The following DACH2 variants were observed in gnomAD, a reference collection of about 807,000 sequenced individuals.
The protein encoded by DACH2 is dachshund family transcription factor 2.
Under a neutral mutation model 35.8 loss-of-function variants are expected in DACH2, and 17 were observed. The ratio of observed to expected loss-of-function variants is 0.48; its 90% CI spans 0.33 to 0.71. DACH2 has a LOEUF of 0.71. DACH2 is among the 30% of genes least tolerant of loss of function. The probability of loss-of-function intolerance (pLI) is 0.02; values close to 1 mark genes in which losing one functional copy is unlikely to be tolerated. For synonymous variants in DACH2, 195 were observed against 177.3 expected (o/e 1.10, Z -0.79); for missense variants, 469 against 472.7 (o/e 0.99, Z 0.07).
chrX:86,820,019 A>G (rs1177612777), intron 11 of DACH2, among the ~76,000 whole-genome samples: 2 of 111,897 alleles, frequency 1.8e-5, no homozygotes, highest in Non-Finnish European at 3.8e-5. Flanking sequence ...TAGGTAAAAC[A>G]AAAACAGAAT....
chrX:86,647,679 T>C (rs768926149), intron 3 of DACH2, among the ~76,000 whole-genome samples: 2 of 110,725 alleles, frequency 1.8e-5, no homozygotes, highest in Admixed American at 9.7e-5. Context: ...TTATGTTACA[T>C]GTTTTTATCA....
At chrX:86,265,136 A>T (rs1362743141) in intron 1 of DACH2, among the ~76,000 whole-genome samples, 2 of 111,819 alleles carry the variant, frequency 1.8e-5, no homozygotes, top group Non-Finnish European at 3.8e-5. Flanking sequence ...TGGATATGGC[A>T]GTTCCTTGTA....
In DACH2 at chrX:86,385,502, A is replaced by G. The variant is rs769127119; in HGVS notation, c.527+8640A>G. ...AAAGATTCAGTATACAACAATTTAC[A>G]TAGCATCTACATTGTATTAGGTATT... On this transcript the variant is annotated intron_variant, in intron 2 of 11. Coordinates refer to ENST00000373125, the MANE Select transcript of DACH2 (RefSeq NM_053281.3). 3.3e-3 allele frequency among the ~76,000 whole-genome samples: 368 copies of G among 111,815 alleles called. 2 individuals carry two copies. The highest frequency in any genetic ancestry group is 0.011 in the African/African-American group (351 of 30,906).
intron 2 of DACH2, among the ~76,000 whole-genome samples, chrX:86,474,103 C>T (rs753536477): frequency 8.9e-6 from 1 of 111,755 alleles, no homozygotes; most frequent in East Asian, 2.8e-4. Context: ...ATTTGCATTT[C>T]TCCGATGATG....
intron 11 of DACH2, among the ~76,000 whole-genome samples, chrX:86,816,658 A>T (rs933779712): frequency 1.8e-5 from 2 of 111,918 alleles, no homozygotes; most frequent in African/African-American, 6.5e-5. Flanking sequence ...AATTGCTTAC[A>T]TCTTTAAAAA....
intron 2 of DACH2, among the ~76,000 whole-genome samples, chrX:86,391,282 T>TAAAAAAAAAAA (rs55941702): frequency 9.3e-5 from 2 of 21,432 alleles, no homozygotes; most frequent in African/African-American, 3.6e-4. Context: ...GGCTCTGTCT[T>TAAAAAAAAAAA]AAAAAAAAAA....
rs190246517 is a variant in DACH2, at chrX:86,554,704, G to T, written c.640+40313G>T. ...TAACGACCAATTAAGTATTGTTTCTGATAAGCCATTTATCTTCTCCAAGGA... is the reference window on the plus strand; with the variant it reads ...TAACGACCAATTAAGTATTGTTTCTTATAAGCCATTTATCTTCTCCAAGGA... On this transcript the variant is annotated intron_variant, in intron 3 of 11. Transcript: ENST00000373125. 1.8e-3 allele frequency among the ~76,000 whole-genome samples: 204 copies of T among 111,488 alleles called. 1 individual carries two copies. Among genetic ancestry groups the T allele is most frequent in the African/African-American group, 6.1e-3 (189 of 30,815 alleles).
At chrX:86,728,195 C>T (rs12839444) in intron 6 of DACH2, among the ~76,000 whole-genome samples, 34,683 of 110,732 alleles carry the variant, frequency 0.31, 4,186 homozygotes, top group Middle Eastern at 0.43. Flanking sequence ...GGGTTGCATC[C>T]GATTCATGCC....
rs762589107 is a variant in DACH2 at position 86,466,943 on chromosome X, C to T, written c.528-47336C>T. ...GGACCCTGGACCTGGGCAACAAAACCGCTTTTTCCTCCTAGGCCTCCAAGC... is the reference window on the plus strand; with the variant it reads ...GGACCCTGGACCTGGGCAACAAAACTGCTTTTTCCTCCTAGGCCTCCAAGC... On this transcript the variant is annotated intron_variant, in intron 2 of 11. Transcript: ENST00000373125. Among the ~76,000 whole-genome samples the T allele has an allele frequency of 3.2e-4, 36 of 111,380 alleles. No individual in the cohort carries two copies. In the South Asian group the frequency reaches 8.0e-3, roughly 25 times the overall value.
intron 7 of DACH2, among the ~76,000 whole-genome samples, chrX:86,801,493 G>A (rs2042294031): frequency 8.9e-6 from 1 of 112,220 alleles, no homozygotes. Flanking sequence ...ACAAGAGAAG[G>A]AGATGACTAA....
intron 6 of DACH2, among the ~76,000 whole-genome samples, chrX:86,736,224 A>T (rs1178103277): frequency 9.0e-6 from 1 of 111,465 alleles, no homozygotes; most frequent in Non-Finnish European, 1.9e-5. Flanking sequence ...CATGGTTTGC[A>T]TGGTGAAAAA....
intron 1 of DACH2, among the ~76,000 whole-genome samples, chrX:86,226,561 C>T (rs1388415224): frequency 9.0e-6 from 1 of 111,719 alleles, no homozygotes; most frequent in Non-Finnish European, 1.9e-5. Context: ...ATTAAAGTCT[C>T]CATCTAGAGT....
chrX:86,421,221 A>G (rs1286173311), intron 2 of DACH2, among the ~76,000 whole-genome samples: 1 of 112,017 alleles, frequency 8.9e-6, no homozygotes. Flanking sequence ...AGATGCTTTC[A>G]TTTATGCATC....
intron 3 of DACH2, among the ~76,000 whole-genome samples, chrX:86,574,376 A>T (rs1288611914): frequency 4.5e-5 from 5 of 111,417 alleles, no homozygotes; most frequent in Non-Finnish European, 9.4e-5. Context: ...CTGTGGTGAC[A>T]TTTAATTGGT....
At chrX:86,315,635 G>A (rs969745806) in intron 1 of DACH2, among the ~76,000 whole-genome samples, 5 of 111,409 alleles carry the variant, frequency 4.5e-5, no homozygotes, top group African/African-American at 1.6e-4. Flanking sequence ...ATCAATAGGA[G>A]TTTGTAAAAA....
intron 3 of DACH2, among the ~76,000 whole-genome samples, chrX:86,570,095 C>G (rs2039346411): frequency 9.0e-6 from 1 of 111,618 alleles, no homozygotes; most frequent in South Asian, 3.7e-4. Context: ...ACAACAGATG[C>G]TGGCAAGGTG....
intron 1 of DACH2, among the ~76,000 whole-genome samples, chrX:86,295,122 GC>G (rs1379170163): frequency 3.5e-5 from 4 of 112,760 alleles, no homozygotes; most frequent in Non-Finnish European, 7.5e-5. Flanking sequence ...ATAATCTGAT[GC>G]CCCGTTTTTT....
intron 1 of DACH2, among the ~76,000 whole-genome samples, chrX:86,245,514 T>C (rs1432426637): frequency 8.9e-6 from 1 of 111,812 alleles, no homozygotes; most frequent in African/African-American, 3.3e-5. Context: ...AACAAATTCA[T>C]GGGCCTGGTA....
chrX:86,461,455 A>G (rs752139040), intron 2 of DACH2, among the ~76,000 whole-genome samples: 1 of 111,361 alleles, frequency 9.0e-6, no homozygotes, highest in East Asian at 2.8e-4. Flanking sequence ...GAAGAATGTT[A>G]TGTAAATAAA....
Sources: gnomAD v4.1 joint callset for allele counts (sites outside exome capture counted in the v4.1 genomes callset) on GRCh38, gnomAD v4.1.1 for gene constraint, MANE v1.5 for transcripts, NCBI Gene and HGNC (gene_info 2026-07-23, HGNC 2026-07-21) for gene names.